ZDHHC13: variants seen among roughly 807,000 people sequenced by gnomAD.
ZDHHC13 encodes the protein palmitoyltransferase ZDHHC13.
ZDHHC13 carries 85 observed loss-of-function variants against 86.0 expected under a neutral mutation model. The observed-to-expected ratio is 0.99, with a 90% CI of 0.83 to 1.18. The LOEUF is 1.18. Ranked by LOEUF, ZDHHC13 falls within the 50% of genes most tolerant of loss-of-function variation. The probability of loss-of-function intolerance (pLI) is 0.00; values close to 1 mark genes in which losing one functional copy is unlikely to be tolerated. For missense variants in ZDHHC13, 711 were observed against 730.2 expected (o/e 0.97, Z 0.30); for synonymous variants, 263 against 246.4 (o/e 1.07, Z -0.63).
In ZDHHC13 at chr11:19,175,802, C is replaced by CTTTTTTTT. The variant is rs369385790; in HGVS notation, c.1731-16_1731-9dup. The CTTTTTTTT allele has an allele frequency of 2.4e-6, 3 of 1,244,346 alleles. No homozygotes were observed. The highest frequency in any genetic ancestry group is 2.1e-5 in the Admixed American group (1 of 47,624). The allele number at this position is 1,244,346 out of a possible 1,614,324, so 77.1% of individuals were successfully genotyped here. A position where few individuals can be genotyped will look rare whatever the true frequency, so the allele number is the denominator to read the frequency against. On this transcript the variant is annotated intron_variant, in intron 16 of 16. Coordinates refer to ENST00000446113, the MANE Select transcript of ZDHHC13 (RefSeq NM_019028.3). ...CAGGAAATATAGTAAGACATGTTCT[C>CTTTTTTTT]TTTTTTTTTTTCTTGGCAGTCTTGG...
Position 19,172,826 on chromosome 11 carries a change from C to T in ZDHHC13, c.1730+6C>T, listed in dbSNP as rs111715183. 30 of 1,589,662 alleles carry T rather than the reference C, an allele frequency of 1.9e-5. No individual in the cohort carries two copies. The highest frequency in any genetic ancestry group is 1.5e-4 in the African/African-American group (11 of 74,318). On this transcript the variant is annotated splice_donor_region_variant and intron_variant, in intron 16 of 16. Coordinates refer to ENST00000446113, the MANE Select transcript of ZDHHC13 (RefSeq NM_019028.3). ...CTCAGGAAGACACCATACAAGTAAG[C>T]GAGACCTGTTTTGGATGCTGAGTCC...
At chr11:19,175,230 A>T (rs1192683581) in intron 16 of ZDHHC13, among the ~76,000 whole-genome samples, 2 of 151,534 alleles carry the variant, frequency 1.3e-5, no homozygotes, top group Non-Finnish European at 2.9e-5. Flanking sequence ...CTACTAAAAA[A>T]ATACAAAAAA....
chr11:19,174,534 G>A (rs757475467), intron 16 of ZDHHC13, among the ~76,000 whole-genome samples: 11 of 152,234 alleles, frequency 7.2e-5, no homozygotes, highest in Admixed American at 2.6e-4. Context: ...AAACAGCAAC[G>A]CAGTCATCCT....
intron 1 of ZDHHC13, among the ~76,000 whole-genome samples, chr11:19,130,841 G>T (rs113437620): frequency 2.7e-5 from 4 of 149,868 alleles, no homozygotes; most frequent in East Asian, 2.0e-4. Context: ...TTCCAGACTG[G>T]TTTTTTTTGT....
chr11:19,166,134 A>T (rs1334505940), intron 13 of ZDHHC13, among the ~76,000 whole-genome samples, 168 bp from the exon 14 acceptor site: 1 of 152,238 alleles, frequency 6.6e-6, no homozygotes, highest in East Asian at 1.9e-4. Context: ...TGACTGTGAC[A>T]TATCAGAAAT....
intron 16 of ZDHHC13, among the ~76,000 whole-genome samples, chr11:19,173,927 A>G (rs1257917529): frequency 1.3e-5 from 2 of 152,188 alleles, no homozygotes; most frequent in Non-Finnish European, 1.5e-5. Context: ...ACGTTTGCTG[A>G]ATGATGGCAG....
At chr11:19,170,145 TAA>T (rs1850179649) in intron 14 of ZDHHC13, 1 of 1,267,326 alleles carries the variant, frequency 7.9e-7, no homozygotes, top group African/African-American at 1.6e-5. Context: ...CTGATTTTAG[TAA>T]AGATTTTACG....
At chr11:19,167,044 G>A (rs1411468787) in intron 14 of ZDHHC13, 1 of 152,210 alleles carries the variant, frequency 6.6e-6, no homozygotes, top group Non-Finnish European at 1.5e-5. Context: ...AAAGATTTTG[G>A]CTATGTCTTA....
intron 2 of ZDHHC13, among the ~76,000 whole-genome samples, chr11:19,144,009 A>G (rs1436175574): frequency 6.6e-6 from 1 of 152,174 alleles, no homozygotes; most frequent in Non-Finnish European, 1.5e-5. Flanking sequence ...AGAAGCAAAG[A>G]TGTTTGGAGA....
chr11:19,170,375 C>CTTTTTTTTTTTTTTTT, intron 14 of ZDHHC13, 36 bp from the exon 15 acceptor site: 8 of 1,234,826 alleles, frequency 6.5e-6, no homozygotes, highest in Admixed American at 4.2e-5. Context: ...AGTTTATTGC[C>CTTTTTTTTTTTTTTTT]TTTTTTTTTT....
chr11:19,172,119 C>T (rs989199252), intron 15 of ZDHHC13, among the ~76,000 whole-genome samples: 1 of 152,340 alleles, frequency 6.6e-6, no homozygotes. Flanking sequence ...TTCACCCATG[C>T]TGGAGTGCAG....
Position 19,117,970 on chromosome 11 carries a change from T to G in ZDHHC13, c.27+694T>G, listed in dbSNP as rs1848683960. ...TGTTGTCTCCAAGAAAACAAGATTT[T>G]TGTGCTTTTTGCTTATGGCCCTTTC... On this transcript the variant is annotated intron_variant, in intron 1 of 16. Transcript: ENST00000446113. The surrounding 1 kb of genome is among the most constrained non-coding windows in gnomAD (Gnocchi z 4.2). 6.6e-6 allele frequency: 1 copy of G among 152,210 alleles called. No individual in the cohort carries two copies. The highest frequency in any genetic ancestry group is 6.5e-5 in the Admixed American group (1 of 15,284). 9.4% of individuals were successfully genotyped at this position (152,210 alleles called of 1,614,324 possible). A position where few individuals can be genotyped will look rare whatever the true frequency, so the allele number is the denominator to read the frequency against.
intron 16 of ZDHHC13, among the ~76,000 whole-genome samples, chr11:19,174,273 G>T (rs753291068): frequency 1.1e-4 from 17 of 152,184 alleles, no homozygotes; most frequent in Non-Finnish European, 2.1e-4. Flanking sequence ...CTTACTAATT[G>T]TTTATTTCTG....
At chr11:19,134,844 C>T (rs953806088) in intron 1 of ZDHHC13, among the ~76,000 whole-genome samples, 2 of 151,886 alleles carry the variant, frequency 1.3e-5, no homozygotes, top group African/African-American at 4.8e-5. Flanking sequence ...TATCCCAGAA[C>T]TTAAAGCATA....
intron 1 of ZDHHC13, among the ~76,000 whole-genome samples, chr11:19,132,895 G>A (rs1056621231): frequency 6.6e-6 from 1 of 152,164 alleles, no homozygotes; most frequent in African/African-American, 2.4e-5. Context: ...AAGAGGTTAA[G>A]TGCAATCCTA....
intron 1 of ZDHHC13, among the ~76,000 whole-genome samples, chr11:19,125,434 A>C (rs1848852606): frequency 1.3e-5 from 2 of 152,248 alleles, no homozygotes; most frequent in African/African-American, 4.8e-5. Flanking sequence ...AGATGCCCCT[A>C]TACATCTATT....
intron 6 of ZDHHC13, among the ~76,000 whole-genome samples, chr11:19,151,120 A>C (rs556898762): frequency 6.6e-6 from 1 of 152,066 alleles, no homozygotes; most frequent in Non-Finnish European, 1.5e-5. Context: ...AAAAATGGCT[A>C]TAATTTTAAA....
intron 1 of ZDHHC13, among the ~76,000 whole-genome samples, chr11:19,133,204 T>C (rs951152649): frequency 6.6e-6 from 1 of 152,134 alleles, no homozygotes; most frequent in African/African-American, 2.4e-5. Context: ...AGTCTGATGA[T>C]ACCAAGTATT....
intron 7 of ZDHHC13, 106 bp downstream of exon 7, chr11:19,152,426 A>G: frequency 1.4e-6 from 2 of 1,454,216 alleles, no homozygotes; most frequent in South Asian, 2.9e-5. Flanking sequence ...ACCCCAAGAT[A>G]GATATAAATG....
Sources: gnomAD v4.1 joint callset for allele counts (sites outside exome capture counted in the v4.1 genomes callset) on GRCh38, gnomAD v4.1.1 for gene constraint, Gnocchi (gnomAD v3.1) non-coding constraint, MANE v1.5 for transcripts, NCBI Gene and HGNC (gene_info 2026-07-23, HGNC 2026-07-21) for gene names.